Variants in CDK19 observed in about 807,000 individuals in gnomAD.
The protein encoded by CDK19 is cyclin dependent kinase 19.
CDK19 carries 20 observed loss-of-function variants against 68.3 expected under a neutral mutation model. That is an observed-to-expected ratio of 0.29 (90% CI 0.21 to 0.43). CDK19 has a LOEUF of 0.43. Ranked by LOEUF, CDK19 falls within the 20% of genes least tolerant of loss-of-function variation. The probability of loss-of-function intolerance (pLI) is 1.00; values close to 1 mark genes in which losing one functional copy is unlikely to be tolerated. For synonymous variants in CDK19, 221 were observed against 222.8 expected (o/e 0.99, Z 0.07); for missense variants, 339 against 623.5 (o/e 0.54, Z 4.86).
At chr6:110,631,992 T>G in intron 6 of CDK19, 38 bp downstream of exon 6, 1 of 1,555,794 alleles carries the variant, frequency 6.4e-7, no homozygotes, top group African/African-American at 1.4e-5. Flanking sequence ...TTATGATCGT[T>G]AGATGACAAG....
chr6:110,698,763 T>C (rs1773716443), intron 2 of CDK19, among the ~76,000 whole-genome samples: 2 of 152,238 alleles, frequency 1.3e-5, no homozygotes, highest in African/African-American at 4.8e-5. Context: ...AAGTGCTCAT[T>C]AACCAATGAG....
intron 4 of CDK19, among the ~76,000 whole-genome samples, chr6:110,663,595 A>G (rs896365711): frequency 6.6e-6 from 1 of 152,178 alleles, no homozygotes; most frequent in Non-Finnish European, 1.5e-5. Context: ...GCAGTGGCAC[A>G]ATCGTGGCTC....
intron 5 of CDK19, among the ~76,000 whole-genome samples, chr6:110,634,371 C>G (rs1296967869): frequency 6.6e-6 from 1 of 152,118 alleles, no homozygotes; most frequent in Non-Finnish European, 1.5e-5. Context: ...TGCGCCACCA[C>G]CATGCCTGGC....
chr6:110,641,686 G>T (rs1312403749), intron 4 of CDK19, among the ~76,000 whole-genome samples: 2 of 150,824 alleles, frequency 1.3e-5, no homozygotes, highest in Non-Finnish European at 3.0e-5. Flanking sequence ...AGGAAGGAAG[G>T]AGGGACAAGG....
At chr6:110,631,642 A>G (rs1328754160) in intron 6 of CDK19, among the ~76,000 whole-genome samples, 1 of 152,180 alleles carries the variant, frequency 6.6e-6, no homozygotes. Flanking sequence ...TTTTCCCCAA[A>G]TAGAAGGGGT....
chr6:110,659,549 A>G (rs554251667), intron 4 of CDK19, among the ~76,000 whole-genome samples: 2 of 152,338 alleles, frequency 1.3e-5, no homozygotes, highest in African/African-American at 4.8e-5. Context: ...GCTTTACACA[A>G]AAGAGTAGAA....
intron 4 of CDK19, among the ~76,000 whole-genome samples, chr6:110,663,282 T>A (rs1781726012): frequency 6.6e-6 from 1 of 152,176 alleles, no homozygotes; most frequent in African/African-American, 2.4e-5. Flanking sequence ...CAACAGCAAC[T>A]CTTAAACTCA....
intron 1 of CDK19, among the ~76,000 whole-genome samples, chr6:110,783,624 T>A: frequency 1.4e-5 from 2 of 143,402 alleles, no homozygotes; most frequent in Admixed American, 7.1e-5. Flanking sequence ...GGTGACAGAG[T>A]GAGATTCTGT....
intron 2 of CDK19, among the ~76,000 whole-genome samples, chr6:110,695,477 A>G (rs1773396654): frequency 6.6e-6 from 1 of 152,224 alleles, no homozygotes; most frequent in Non-Finnish European, 1.5e-5. Context: ...ACCCAAAGTT[A>G]GCAGAAGAAA....
chr6:110,659,734 G>A (rs1433143918), intron 4 of CDK19, among the ~76,000 whole-genome samples: 1 of 152,150 alleles, frequency 6.6e-6, no homozygotes, highest in Non-Finnish European at 1.5e-5. Context: ...AAGAAGAGAA[G>A]GGGAGAGGAG....
intron 4 of CDK19, among the ~76,000 whole-genome samples, chr6:110,653,966 A>C (rs1236554458): frequency 6.6e-6 from 1 of 152,210 alleles, no homozygotes; most frequent in African/African-American, 2.4e-5. Flanking sequence ...AAAAATATGA[A>C]ACTCATAATA....
chr6:110,657,451 T>C (rs903923881), intron 4 of CDK19, among the ~76,000 whole-genome samples: 1 of 152,234 alleles, frequency 6.6e-6, no homozygotes, highest in African/African-American at 2.4e-5. Context: ...GTGGTGTTAA[T>C]TGCCCAGGTA....
At chr6:110,770,292 GA>G (rs149447446) in intron 1 of CDK19, among the ~76,000 whole-genome samples, 24,181 of 152,168 alleles carry the variant, frequency 0.16, 2,123 homozygotes, top group East Asian at 0.32. Context: ...AGATTGGGAA[GA>G]AAAAGAGGTT....
At chr6:110,733,563 C>T (rs1776926448) in intron 2 of CDK19, among the ~76,000 whole-genome samples, 1 of 152,138 alleles carries the variant, frequency 6.6e-6, no homozygotes, top group African/African-American at 2.4e-5. Flanking sequence ...TTCATGCTTC[C>T]ATCAGTACCA....
intron 4 of CDK19, among the ~76,000 whole-genome samples, chr6:110,665,009 T>C (rs897015338): frequency 6.6e-6 from 1 of 152,158 alleles, no homozygotes; most frequent in African/African-American, 2.4e-5. Context: ...ACATGAAAGA[T>C]GACAGGGATA....
At chr6:110,627,171 TG>T (rs1046592098) in intron 6 of CDK19, 26 bp from the exon 7 acceptor site, 2 of 1,564,500 alleles carry the variant, frequency 1.3e-6, no homozygotes, top group African/African-American at 1.4e-5. Flanking sequence ...CATAAGTTTT[TG>T]TATATATTTC....
At position 110,612,173 on chromosome 6, in the gene CDK19, T is replaced by A. The variant is rs918456568; in HGVS notation, c.*2362A>T. The A allele has an allele frequency of 6.6e-5, 10 of 152,214 alleles. No individual in the cohort carries two copies. Among genetic ancestry groups the A allele is most frequent in the Non-Finnish European group, 1.5e-4 (10 of 68,038 alleles). 9.4% of individuals were successfully genotyped at this position (152,214 alleles called of 1,614,324 possible). A position where few individuals can be genotyped will look rare whatever the true frequency, so the allele number is the denominator to read the frequency against. On this transcript the variant is annotated 3_prime_UTR_variant, in exon 13 of 13. Coordinates refer to ENST00000368911, the MANE Select transcript of CDK19 (RefSeq NM_015076.5). Reference sequence around the variant, plus strand: ...TCTATCTGGGTTTGTCTTCTTTTATTAAAGGTAACCTCCTTGAGAGCAAGA... The same window carrying A: ...TCTATCTGGGTTTGTCTTCTTTTATAAAAGGTAACCTCCTTGAGAGCAAGA...
At chr6:110,792,318 T>C (rs1781654564) in intron 1 of CDK19, among the ~76,000 whole-genome samples, 1 of 152,098 alleles carries the variant, frequency 6.6e-6, no homozygotes, top group South Asian at 2.1e-4. Flanking sequence ...GTCTTCTCCT[T>C]TACCTTTTTT....
intron 2 of CDK19, among the ~76,000 whole-genome samples, chr6:110,671,620 G>A (rs769762271): frequency 6.6e-6 from 1 of 152,154 alleles, no homozygotes; most frequent in Non-Finnish European, 1.5e-5. Flanking sequence ...AAGAGAAGGG[G>A]TTTGGACTTA....
Sources: allele counts gnomAD v4.1 joint callset (sites outside exome capture counted in the v4.1 genomes callset), GRCh38; gene constraint gnomAD v4.1.1; transcripts MANE v1.5; gene names NCBI Gene and HGNC (gene_info 2026-07-23, HGNC 2026-07-21).